WWP2: variants seen among roughly 807,000 people sequenced by gnomAD.
The protein encoded by WWP2 is NEDD4-like E3 ubiquitin-protein ligase WWP2.
Under a neutral mutation model 121.0 loss-of-function variants are expected in WWP2, and 57 were observed. The observed-to-expected ratio is 0.47, with a 90% CI of 0.38 to 0.59. The LOEUF (loss-of-function observed/expected upper bound fraction) is 0.59, where lower values mean the gene tolerates loss of function less well. WWP2 is among the 20% of genes least tolerant of loss of function. WWP2 has a pLI of 0.00. For synonymous variants in WWP2, 449 were observed against 441.3 expected (o/e 1.02, Z -0.22); for missense variants, 962 against 1,158.9 (o/e 0.83, Z 2.47).
At chr16:69,806,717 G>C (rs2056282517) in intron 4 of WWP2, among the ~76,000 whole-genome samples, 1 of 151,966 alleles carries the variant, frequency 6.6e-6, no homozygotes. Context: ...ATCATTCTCA[G>C]TTTAAAAACG....
chr16:69,806,953 T>TATTTATTTATTTATTCATTC (rs770245519), intron 4 of WWP2, among the ~76,000 whole-genome samples: 3 of 146,170 alleles, frequency 2.1e-5, no homozygotes, highest in African/African-American at 7.7e-5. Context: ...TTTATTTATT[T>TATTTATTTATTTATTCATTC]ATTCATTCAT....
chr16:69,797,120 G>A (rs1027199488), intron 2 of WWP2, among the ~76,000 whole-genome samples: 15 of 152,216 alleles, frequency 9.9e-5, no homozygotes, highest in Admixed American at 7.9e-4. Context: ...TCCACCAGGG[G>A]TAATATACAC....
intron 7 of WWP2, among the ~76,000 whole-genome samples, chr16:69,877,363 T>A (rs1026332928): frequency 6.6e-6 from 1 of 152,212 alleles, no homozygotes; most frequent in African/African-American, 2.4e-5. Flanking sequence ...TCAGCCTTCA[T>A]AGAATTGAAG....
chr16:69,810,207 C>A (rs1173437890), intron 4 of WWP2, among the ~76,000 whole-genome samples: 1 of 152,218 alleles, frequency 6.6e-6, no homozygotes, highest in Non-Finnish European at 1.5e-5. Flanking sequence ...TGGCTGTTTT[C>A]TGCCTGCCTT....
intron 9 of WWP2, among the ~76,000 whole-genome samples, chr16:69,912,405 AC>A (rs2058393703): frequency 6.8e-6 from 1 of 147,666 alleles, no homozygotes; most frequent in Non-Finnish European, 1.5e-5. Flanking sequence ...ACACACACAC[AC>A]ACACAGCCTC....
In WWP2 at chr16:69,840,156, A is replaced by G. The variant is rs776151376; in HGVS notation, c.371A>G (p.Gln124Arg). The change falls in exon 5 of 24, where the codon CAG becomes CGG. Residue 124 changes from glutamine to arginine, a missense_variant. Coordinates refer to ENST00000359154, the MANE Select transcript of WWP2 (RefSeq NM_001270454.2). ...AACATGCAGCTGACCCTGAACCTGC[A>G]GACGGAGAACAAAGGCAGCGTTGTC... ...MENMQLTLNL[Q>R]TENKGSVVSG... 7 of 1,614,268 alleles carry G rather than the reference A, an allele frequency of 4.3e-6. No individual in the cohort carries two copies. Among genetic ancestry groups the G allele is most frequent in the Non-Finnish European group, 5.9e-6 (7 of 1,180,044 alleles).
intron 5 of WWP2, 59 bp downstream of exon 5, chr16:69,840,322 C>T (rs1295508648): frequency 4.9e-5 from 79 of 1,604,392 alleles, no homozygotes; most frequent in Non-Finnish European, 6.7e-5. Flanking sequence ...GGGCGGGGGC[C>T]AGGAGGTGCT....
chr16:69,771,952 CTTTTTTTTT>C (rs56376857), intron 1 of WWP2, among the ~76,000 whole-genome samples: 7 of 55,808 alleles, frequency 1.3e-4, no homozygotes, highest in African/African-American at 3.3e-4. Flanking sequence ...TCTTTTTAGT[CTTTTTTTTT>C]TTTTTTTTTT....
At chr16:69,850,065 C>T (rs375209883) in intron 6 of WWP2, among the ~76,000 whole-genome samples, 2 of 152,096 alleles carry the variant, frequency 1.3e-5, no homozygotes, top group East Asian at 3.9e-4. Context: ...ACATGAATGC[C>T]AGGCTCTGAG....
At chr16:69,931,096 A>G in intron 13 of WWP2, 56 bp from the exon 14 acceptor site, 2 of 1,573,564 alleles carry the variant, frequency 1.3e-6, no homozygotes, top group Non-Finnish European at 1.7e-6. Flanking sequence ...GACAAAGACA[A>G]ATTGTTCATT....
intron 6 of WWP2, among the ~76,000 whole-genome samples, chr16:69,855,023 T>C (rs1363512474): frequency 6.6e-6 from 1 of 152,036 alleles, no homozygotes; most frequent in Non-Finnish European, 1.5e-5. Flanking sequence ...AGTAGGCTAA[T>C]TTTTAAAATT....
chr16:69,826,961 G>A (rs372182013), intron 4 of WWP2, among the ~76,000 whole-genome samples: 2,424 of 133,744 alleles, frequency 0.018, 120 homozygotes, highest in African/African-American at 0.058. Flanking sequence ...AAAAGGGGGG[G>A]GGGCGGAGAG....
intron 6 of WWP2, among the ~76,000 whole-genome samples, chr16:69,846,374 A>G (rs1162142511): frequency 6.6e-6 from 1 of 152,196 alleles, no homozygotes; most frequent in East Asian, 1.9e-4. Context: ...TGAAAAATGC[A>G]AAGCCAAACA....
intron 1 of WWP2, among the ~76,000 whole-genome samples, chr16:69,772,519 G>A (rs543592872): frequency 1.3e-5 from 2 of 152,174 alleles, no homozygotes; most frequent in Non-Finnish European, 2.9e-5. Context: ...TTACAGCTCC[G>A]TGACTGCTCC....
chr16:69,771,813 G>A (rs1008204181), intron 1 of WWP2, among the ~76,000 whole-genome samples: 1 of 151,924 alleles, frequency 6.6e-6, no homozygotes, highest in African/African-American at 2.4e-5. Flanking sequence ...GAGTTGGGTG[G>A]GGGAAATTGA....
At chr16:69,815,055 T>A (rs2056463426) in intron 4 of WWP2, among the ~76,000 whole-genome samples, 1 of 152,070 alleles carries the variant, frequency 6.6e-6, no homozygotes, top group African/African-American at 2.4e-5. Flanking sequence ...CAGGCTGGGG[T>A]GTAGTGGGAC....
At chr16:69,790,108 G>A (rs1271713420) in intron 2 of WWP2, among the ~76,000 whole-genome samples, 2 of 152,128 alleles carry the variant, frequency 1.3e-5, no homozygotes, top group South Asian at 2.1e-4. Context: ...TTAGCCAGGC[G>A]TGGTGGCAGG....
chr16:69,767,329 G>T (rs1181026393), intron 1 of WWP2, among the ~76,000 whole-genome samples: 2 of 152,180 alleles, frequency 1.3e-5, no homozygotes, highest in African/African-American at 4.8e-5. Flanking sequence ...GAGGTGAAGT[G>T]ACCCTCACGA....
At chr16:69,853,415 C>T (rs1044536249) in intron 6 of WWP2, among the ~76,000 whole-genome samples, 1 of 152,092 alleles carries the variant, frequency 6.6e-6, no homozygotes, top group African/African-American at 2.4e-5. Context: ...CTGCTGGAGC[C>T]CCTGCCAGTC....
Sources: gnomAD v4.1 joint callset for allele counts (sites outside exome capture counted in the v4.1 genomes callset) on GRCh38, gnomAD v4.1.1 for gene constraint, MANE v1.5 for transcripts, NCBI Gene and HGNC (gene_info 2026-07-23, HGNC 2026-07-21) for gene names.